Variants in RNLS observed in about 807,000 individuals in gnomAD.
RNLS encodes renalase, FAD dependent amine oxidase, also known as renalase.
In RNLS, 39 loss-of-function variants were observed where a neutral mutation model predicts 39.8. That is an observed-to-expected ratio of 0.98 (90% CI 0.76 to 1.28). RNLS has a LOEUF of 1.28. Ranked by LOEUF, RNLS falls within the 50% of genes most tolerant of loss-of-function variation. The pLI is 0.00. For missense variants in RNLS, 410 were observed against 413.3 expected (o/e 0.99, Z 0.07); for synonymous variants, 147 against 150.7 (o/e 0.98, Z 0.18).
chr10:88,320,640 T>G (rs1246082299), intron 5 of RNLS, among the ~76,000 whole-genome samples: 1 of 147,584 alleles, frequency 6.8e-6, no homozygotes, highest in Non-Finnish European at 1.5e-5. Flanking sequence ...AGAGTAAGGG[T>G]TGCTATTCCT....
In RNLS at chr10:88,368,040, T is replaced by A. The variant is rs369838596; in HGVS notation, c.527-5315A>T. Among the ~76,000 whole-genome samples the A allele has an allele frequency of 1.2e-4, 19 of 152,152 alleles. No homozygotes were observed. In the East Asian group the frequency reaches 3.7e-3, roughly 29 times the overall value. On this transcript the variant is annotated intron_variant, in intron 4 of 6. Transcript: ENST00000331772. ...TTTTCATTTATAGTTAACACTTCTG[T>A]GTCCTGCTTAAGATGTTTTTGCCAA...
intron 6 of RNLS, among the ~76,000 whole-genome samples, chr10:88,290,127 A>C (rs570596025): frequency 6.6e-6 from 1 of 152,270 alleles, no homozygotes; most frequent in African/African-American, 2.4e-5. Context: ...ATTTTCACAA[A>C]ATGATAGTTG....
chr10:88,294,309 C>T (rs1397728009), intron 6 of RNLS, among the ~76,000 whole-genome samples: 2 of 152,080 alleles, frequency 1.3e-5, no homozygotes, highest in African/African-American at 2.4e-5. Context: ...TACCTATTTG[C>T]ATATAGGAAA....
chr10:88,541,634 T>G (rs1003755860), intron 4 of RNLS, among the ~76,000 whole-genome samples: 1 of 152,176 alleles, frequency 6.6e-6, no homozygotes, highest in African/African-American at 2.4e-5. Context: ...GATTATGTTT[T>G]CAAAAGAAAA....
chr10:88,372,490 C>T (rs910455987), intron 4 of RNLS, among the ~76,000 whole-genome samples: 2 of 152,078 alleles, frequency 1.3e-5, no homozygotes, highest in Non-Finnish European at 2.9e-5. Flanking sequence ...TTACAAACTA[C>T]CCACTCTTCT....
intron 5 of RNLS, among the ~76,000 whole-genome samples, chr10:88,323,561 A>G (rs1346098902): frequency 6.6e-6 from 1 of 152,190 alleles, no homozygotes; most frequent in Non-Finnish European, 1.5e-5. Flanking sequence ...ACGCAGTAGA[A>G]TGAAACTGGA....
At chr10:88,237,280 ATCCTTTTCCTTCC>A in the RNLS span, among the ~76,000 whole-genome samples, 1 of 102,054 alleles carries the variant, frequency 9.8e-6, no homozygotes. Flanking sequence ...TTTTTCTTTC[ATCCTTTTCCTTCC>A]TCCCTCCCTC....
At chr10:88,362,484 A>G in intron 5 of RNLS, 68 bp downstream of exon 5, 1 of 1,398,514 alleles carries the variant, frequency 7.2e-7, no homozygotes, top group Non-Finnish European at 9.7e-7. Flanking sequence ...CACTCAATTA[A>G]ACAGCATTTT....
At chr10:88,375,820 CAT>C (rs1282642095) in intron 4 of RNLS, among the ~76,000 whole-genome samples, 3 of 152,012 alleles carry the variant, frequency 2.0e-5, no homozygotes, top group African/African-American at 4.8e-5. Flanking sequence ...TATTTAATAA[CAT>C]GTATGCATGG....
the RNLS span, among the ~76,000 whole-genome samples, chr10:88,187,549 C>T: frequency 2.6e-5 from 4 of 152,166 alleles, no homozygotes; most frequent in Admixed American, 6.6e-5. Context: ...GCTTTCTCTT[C>T]TGTTGTCATG....
At chr10:88,549,687 A>T (rs1244832694) in intron 4 of RNLS, among the ~76,000 whole-genome samples, 1 of 152,238 alleles carries the variant, frequency 6.6e-6, no homozygotes, top group Admixed American at 6.5e-5. Context: ...TAAAGCCAGT[A>T]TTACAGCCGA....
At chr10:88,386,522 G>A (rs1351600438) in intron 4 of RNLS, among the ~76,000 whole-genome samples, 4 of 152,190 alleles carry the variant, frequency 2.6e-5, no homozygotes, top group Admixed American at 2.6e-4. Context: ...AAGGTTATGA[G>A]AAAGGCATAA....
chr10:88,494,170 C>G (rs978893727), intron 4 of RNLS, among the ~76,000 whole-genome samples: 2 of 152,102 alleles, frequency 1.3e-5, no homozygotes, highest in Non-Finnish European at 2.9e-5. Flanking sequence ...AGATTTTGAA[C>G]AGCACTGTAA....
Position 88,581,628 on chromosome 10 carries a change from G to A in RNLS, c.306C>T (p.Asp102=), listed in dbSNP as rs149825485. The A allele has an allele frequency of 1.2e-6, 2 of 1,609,416 alleles. No individual in the cohort carries two copies. Among genetic ancestry groups the A allele is most frequent in the Non-Finnish European group, 1.7e-6 (2 of 1,177,860 alleles). ...TTCCTTGAGGTGCCACAAAGTTACA[G>A]TCTCCTTCTTTCATCACCATTCCTT... ...PIEGMVMKEG[D]CNFVAPQGIS... is the part of the protein sequence containing the mutation. The change falls in exon 3 of 7, where the codon GAC becomes GAT. Residue 102 remains aspartate, a synonymous_variant. Transcript: ENST00000331772.
chr10:88,208,914 T>C, the RNLS span, among the ~76,000 whole-genome samples: 2 of 152,140 alleles, frequency 1.3e-5, no homozygotes, highest in Non-Finnish European at 2.9e-5. Flanking sequence ...CATGCATGAA[T>C]ACATCCTCCC....
intron 4 of RNLS, among the ~76,000 whole-genome samples, chr10:88,404,133 A>C (rs1853120650): frequency 6.6e-6 from 1 of 152,130 alleles, no homozygotes; most frequent in Non-Finnish European, 1.5e-5. Flanking sequence ...CAACAAAAGC[A>C]GTTTTCTGTT....
chr10:88,483,016 T>C (rs1844288626), intron 4 of RNLS, among the ~76,000 whole-genome samples: 1 of 151,994 alleles, frequency 6.6e-6, no homozygotes, highest in Non-Finnish European at 1.5e-5. Context: ...GGTCTTGCTA[T>C]ATCTTTTTAA....
At chr10:88,449,052 G>C (rs1027799491) in intron 4 of RNLS, among the ~76,000 whole-genome samples, 1 of 152,170 alleles carries the variant, frequency 6.6e-6, no homozygotes, top group Admixed American at 6.5e-5. Context: ...TAATGTAAAT[G>C]AAGAGTTAAT....
chr10:88,285,348 TAGGC>T lies in RNLS; in HGVS notation c.*2_*5del, dbSNP rs1264261475. 6.2e-7 allele frequency: 1 copy of T among 1,608,818 alleles called. No individual in the cohort carries two copies. Among genetic ancestry groups the T allele is most frequent in the Non-Finnish European group, 8.5e-7 (1 of 1,176,480 alleles). The stretch of plus-strand genomic sequence containing the variant: ...AATACACATGTAGAGAATAAGGATA[TAGGC>T]ACTAAATATAATTCTTTAAAGCTTC... On this transcript the variant is annotated 3_prime_UTR_variant, in exon 7 of 7. Coordinates refer to ENST00000331772, the MANE Select transcript of RNLS (RefSeq NM_001031709.3).
Sources: allele counts gnomAD v4.1 joint callset (sites outside exome capture counted in the v4.1 genomes callset), GRCh38; gene constraint gnomAD v4.1.1; transcripts MANE v1.5; gene names NCBI Gene and HGNC (gene_info 2026-07-23, HGNC 2026-07-21).